Variants in UBR1 observed in about 807,000 individuals in gnomAD.
UBR1 encodes the protein E3 ubiquitin-protein ligase UBR1.
A neutral mutation model predicts 242.1 loss-of-function variants in UBR1; 102 were observed. The observed-to-expected ratio is 0.42, with a 90% CI of 0.36 to 0.50. The LOEUF (loss-of-function observed/expected upper bound fraction) is 0.50, where lower values mean the gene tolerates loss of function less well. UBR1 is among the 20% of genes least tolerant of loss of function. The probability of loss-of-function intolerance (pLI) is 0.01; values close to 1 mark genes in which losing one functional copy is unlikely to be tolerated. For synonymous variants in UBR1, 675 were observed against 684.8 expected, an observed-to-expected ratio of 0.99 and a Z score of 0.22; for missense variants, 1,772 against 2,101.8, an observed-to-expected ratio of 0.84 and a Z score of 3.07.
rs779543760 is a variant in UBR1 at position 42,960,719 on chromosome 15, A to C, written c.4701-18T>G. The C allele has an allele frequency of 6.2e-7, 1 of 1,613,222 alleles. No homozygotes were observed. Among genetic ancestry groups the C allele is most frequent in the South Asian group, 1.1e-5 (1 of 91,032 alleles). ...CACACCACCTGTATGTGGAGCCAAG[A>C]GAAAAGACAAATGGATTATCACAGC... On this transcript the variant is annotated intron_variant, in intron 42 of 46. Coordinates refer to ENST00000290650, the MANE Select transcript of UBR1 (RefSeq NM_174916.3).
intron 3 of UBR1, among the ~76,000 whole-genome samples, chr15:43,081,111 C>A (rs1364350263): frequency 6.6e-6 from 1 of 152,042 alleles, no homozygotes; most frequent in East Asian, 1.9e-4. Flanking sequence ...TACCATATTG[C>A]ATTTCCACCA....
rs151037075 is a variant in UBR1 at position 43,001,448 on chromosome 15, G to C, written c.3659+1107C>G. Among the ~76,000 whole-genome samples the C allele has an allele frequency of 4.8e-3, 727 of 152,324 alleles. 5 individuals carry two copies. Among genetic ancestry groups the C allele is most frequent in the African/African-American group, 0.017 (698 of 41,582 alleles). On this transcript the variant is annotated intron_variant, in intron 32 of 46. Transcript: ENST00000290650. ...AGGTGTAAGCCATGGCGTCCCGCCA[G>C]AGCAAGTCTTTATATTGACCCTTCT...
chr15:42,950,461 C>CAA, intron 45 of UBR1, 98 bp from the exon 46 acceptor site: 1 of 967,598 alleles, frequency 1.0e-6, no homozygotes, highest in Non-Finnish European at 1.7e-6. Flanking sequence ...TGGCCAATAT[C>CAA]TGTTAGATAT....
chr15:42,979,934 A>G (rs2032350355), intron 37 of UBR1, among the ~76,000 whole-genome samples: 1 of 152,202 alleles, frequency 6.6e-6, no homozygotes, highest in Non-Finnish European at 1.5e-5. Flanking sequence ...TTGGCTACAT[A>G]AAACAAACTA....
At chr15:43,001,987 T>C (rs2032733024) in intron 32 of UBR1, among the ~76,000 whole-genome samples, 1 of 152,202 alleles carries the variant, frequency 6.6e-6, no homozygotes, top group South Asian at 2.1e-4. Context: ...TTGTGAGTGC[T>C]AAGGCAGAAG....
chr15:43,048,521 C>A (rs1169770077), intron 12 of UBR1, 30 bp from the exon 13 acceptor site: 4 of 1,536,320 alleles, frequency 2.6e-6, no homozygotes, highest in Non-Finnish European at 3.6e-6. Context: ...AGAAATATTT[C>A]ATTTATCTAT....
intron 35 of UBR1, among the ~76,000 whole-genome samples, chr15:42,987,803 T>A (rs1271437112): frequency 6.7e-6 from 1 of 149,424 alleles, no homozygotes; most frequent in Non-Finnish European, 1.5e-5. Flanking sequence ...TACATTTAAA[T>A]GAAGAAAATA....
chr15:42,965,464 C>CT (rs72143292), intron 41 of UBR1, among the ~76,000 whole-genome samples: 18,115 of 136,156 alleles, frequency 0.13, 1,432 homozygotes, highest in South Asian at 0.23. Context: ...GTCATATGTA[C>CT]TTTTTTTTTT....
Position 42,945,254 on chromosome 15 carries a change from A to G in UBR1, c.*75T>C, listed in dbSNP as rs938345333. The G allele has an allele frequency of 1.2e-6, 2 of 1,605,714 alleles. No homozygotes were observed. Among genetic ancestry groups the G allele is most frequent in the Admixed American group, 3.3e-5 (2 of 59,798 alleles). ...ACCCTCCAATACTTTCCCAGCCCTC[A>G]GAAAGTTTTCCATAATTTTGAATCA... On this transcript the variant is annotated 3_prime_UTR_variant, in exon 47 of 47. Transcript: ENST00000290650.
chr15:43,085,932 A>G, intron 2 of UBR1, 52 bp downstream of exon 2: 1 of 1,548,596 alleles, frequency 6.5e-7, no homozygotes, highest in Admixed American at 1.9e-5. Flanking sequence ...AAAAAAAAAA[A>G]AAAAAAGGAT....
intron 45 of UBR1, 54 bp downstream of exon 45, chr15:42,952,224 T>A (rs2031846006): frequency 1.2e-6 from 2 of 1,610,606 alleles, no homozygotes; most frequent in African/African-American, 2.7e-5. Context: ...ACCCCCAGAT[T>A]GGATCCAGAT....
chr15:42,964,814 C>T (rs1395491261), intron 41 of UBR1, among the ~76,000 whole-genome samples: 3 of 152,198 alleles, frequency 2.0e-5, no homozygotes, highest in East Asian at 1.9e-4. Context: ...GTCTGTTCAA[C>T]TCAACCCCCT....
chr15:42,967,874 G>A (rs969037453), intron 40 of UBR1, among the ~76,000 whole-genome samples: 1 of 151,022 alleles, frequency 6.6e-6, no homozygotes, highest in African/African-American at 2.4e-5. Context: ...CATGCCTATC[G>A]TACTCCTACT....
intron 22 of UBR1, among the ~76,000 whole-genome samples, chr15:43,027,205 C>T (rs994382111): frequency 1.9e-4 from 29 of 151,916 alleles, no homozygotes; most frequent in African/African-American, 6.0e-4. Context: ...ATCTCTAAGT[C>T]GAATATTTCA....
At chr15:43,101,089 A>G (rs1015009055) in intron 1 of UBR1, among the ~76,000 whole-genome samples, 1 of 152,250 alleles carries the variant, frequency 6.6e-6, no homozygotes, top group African/African-American at 2.4e-5. Flanking sequence ...AGCAAGCAAC[A>G]GCACAGACCC....
In UBR1 at chr15:42,945,169, A is replaced by G. The variant is rs1467004427; in HGVS notation, c.*160T>C. The G allele has an allele frequency of 1.1e-6, 1 of 927,716 alleles. No homozygotes were observed. The highest frequency in any genetic ancestry group is 1.7e-6 in the Non-Finnish European group (1 of 604,038). The allele number at this position is 927,716 out of a possible 1,614,324, so 57.5% of individuals were successfully genotyped here. A position where few individuals can be genotyped will look rare whatever the true frequency, so the allele number is the denominator to read the frequency against. ...GTGAAGCATATGTTTGCTAATTGAA[A>G]GCAATACTCCATTAAGAAATATTTT... On this transcript the variant is annotated 3_prime_UTR_variant, in exon 47 of 47. Transcript: ENST00000290650.
intron 29 of UBR1, among the ~76,000 whole-genome samples, chr15:43,014,194 C>T (rs916550294): frequency 6.6e-6 from 1 of 152,256 alleles, no homozygotes; most frequent in Non-Finnish European, 1.5e-5. Flanking sequence ...CTCAATGGTG[C>T]CCAGGCTGGA....
At chr15:42,984,075 C>A in intron 36 of UBR1, 82 bp from the exon 37 acceptor site, 1 of 1,043,266 alleles carries the variant, frequency 9.6e-7, no homozygotes, top group South Asian at 1.5e-5. Context: ...TGGTAAAAAC[C>A]AACTCTAGTT....
chr15:43,000,769 G>A (rs557473381), intron 32 of UBR1, among the ~76,000 whole-genome samples: 43 of 152,286 alleles, frequency 2.8e-4, no homozygotes, highest in Non-Finnish European at 5.7e-4. Flanking sequence ...CACATACGTT[G>A]AAGAAGACAA....
Sources: gnomAD v4.1 joint callset for allele counts (sites outside exome capture counted in the v4.1 genomes callset) on GRCh38, gnomAD v4.1.1 for gene constraint, MANE v1.5 for transcripts, NCBI Gene and HGNC (gene_info 2026-07-23, HGNC 2026-07-21) for gene names.